Variants in SLC24A2 observed in about 807,000 individuals in gnomAD.
The protein encoded by SLC24A2 is sodium/potassium/calcium exchanger 2.
In SLC24A2, 36 loss-of-function variants were observed where a neutral mutation model predicts 62.0. The observed-to-expected ratio is 0.58, with a 90% CI of 0.44 to 0.77. The LOEUF (loss-of-function observed/expected upper bound fraction) is 0.77, where lower values mean the gene tolerates loss of function less well. Among genes scored for constraint, SLC24A2 ranks in the 30% least tolerant of loss-of-function variants. SLC24A2 has a pLI of 0.00. For synonymous variants in SLC24A2, 358 were observed against 294.0 expected (o/e 1.22, Z -2.23); for missense variants, 846 against 817.9 (o/e 1.03, Z -0.42).
At chr9:19,534,190 G>A (rs1198697796) in intron 8 of SLC24A2, among the ~76,000 whole-genome samples, 2 of 152,162 alleles carry the variant, frequency 1.3e-5, no homozygotes, top group Admixed American at 1.3e-4. Flanking sequence ...CACAGTCAAT[G>A]TGGTACAATG....
At chr9:19,836,292 G>A in the SLC24A2 span, among the ~76,000 whole-genome samples, 1 of 152,086 alleles carries the variant, frequency 6.6e-6, no homozygotes, top group Non-Finnish European at 1.5e-5. Context: ...TCCAGGAGCT[G>A]GTTTTTTGAA....
the SLC24A2 span, among the ~76,000 whole-genome samples, chr9:20,045,404 AC>A: frequency 6.6e-6 from 1 of 152,194 alleles, no homozygotes; most frequent in African/African-American, 2.4e-5. Context: ...TAAGTAGAAC[AC>A]AAAAAAGGAA....
the SLC24A2 span, among the ~76,000 whole-genome samples, chr9:20,203,699 GAAGA>G: frequency 4.6e-5 from 7 of 151,798 alleles, no homozygotes; most frequent in Admixed American, 3.9e-4. Flanking sequence ...AAAAAAAGAA[GAAGA>G]AAGAAGAAAG....
chr9:19,915,347 G>C, the SLC24A2 span, among the ~76,000 whole-genome samples: 1 of 151,964 alleles, frequency 6.6e-6, no homozygotes, highest in Non-Finnish European at 1.5e-5. Context: ...ATAGACATTT[G>C]GGTTGTTTCC....
chr9:19,989,268 T>C, the SLC24A2 span, among the ~76,000 whole-genome samples: 2 of 152,168 alleles, frequency 1.3e-5, no homozygotes, highest in African/African-American at 2.4e-5. Context: ...ACTAAGTACC[T>C]TGGAAGAGTC....
At chr9:20,290,485 A>G in the SLC24A2 span, among the ~76,000 whole-genome samples, 6 of 152,178 alleles carry the variant, frequency 3.9e-5, no homozygotes, top group Admixed American at 2.0e-4. Flanking sequence ...GCTGATATCC[A>G]CATGCCTTTG....
chr9:20,132,898 T>G, the SLC24A2 span, among the ~76,000 whole-genome samples: 1 of 152,128 alleles, frequency 6.6e-6, no homozygotes, highest in African/African-American at 2.4e-5. Flanking sequence ...TCTTACTAAG[T>G]GGTATAATCT....
At chr9:19,890,224 T>C in the SLC24A2 span, among the ~76,000 whole-genome samples, 1 of 152,222 alleles carries the variant, frequency 6.6e-6, no homozygotes, top group African/African-American at 2.4e-5. Context: ...GAAGCCACAG[T>C]CTTCTCATAA....
chr9:20,052,559 A>C, the SLC24A2 span, among the ~76,000 whole-genome samples: 4 of 152,002 alleles, frequency 2.6e-5, no homozygotes, highest in African/African-American at 9.7e-5. Flanking sequence ...GCTTCAATCC[A>C]TCTTCAGTTA....
At chr9:20,184,355 T>A in the SLC24A2 span, among the ~76,000 whole-genome samples, 1 of 151,924 alleles carries the variant, frequency 6.6e-6, no homozygotes, top group African/African-American at 2.4e-5. Flanking sequence ...AACGAGACCA[T>A]CCTGGCCAAC....
the SLC24A2 span, among the ~76,000 whole-genome samples, chr9:19,907,630 C>G: frequency 1.3e-5 from 2 of 152,212 alleles, no homozygotes; most frequent in Admixed American, 1.3e-4. Context: ...TCAGCAAAGT[C>G]TCAGGATACA....
chr9:19,598,448 T>G (rs760972510), intron 4 of SLC24A2, among the ~76,000 whole-genome samples: 2 of 152,342 alleles, frequency 1.3e-5, no homozygotes, highest in Middle Eastern at 6.8e-3. Flanking sequence ...TACACATTTT[T>G]TCATGTGCCT....
At chr9:20,048,295 C>G in the SLC24A2 span, among the ~76,000 whole-genome samples, 3 of 152,164 alleles carry the variant, frequency 2.0e-5, no homozygotes, top group South Asian at 6.2e-4. Context: ...TAGTTTATCT[C>G]TTTTCAATAT....
chr9:20,097,534 T>C, the SLC24A2 span, among the ~76,000 whole-genome samples: 2 of 152,064 alleles, frequency 1.3e-5, no homozygotes, highest in African/African-American at 4.8e-5. Context: ...ATTAAACCAG[T>C]CTCTAAGTTC....
chr9:19,727,605 G>T lies in SLC24A2; in HGVS notation c.930+58332C>A, dbSNP rs563624235. Among the ~76,000 whole-genome samples the T allele has an allele frequency of 2.6e-5, 4 of 152,252 alleles. No homozygotes were observed. In the South Asian group the frequency reaches 8.3e-4, roughly 32 times the overall value. On this transcript the variant is annotated intron_variant, in intron 2 of 10. Transcript: ENST00000341998. ...ATGTGGCAGACACTCGTACCTGTTT[G>T]TTGGATGAATGAATATGACATCTTC...
At chr9:19,982,020 C>T in the SLC24A2 span, among the ~76,000 whole-genome samples, 5 of 152,048 alleles carry the variant, frequency 3.3e-5, no homozygotes, top group Non-Finnish European at 7.4e-5. Context: ...CTCTCCAAAC[C>T]AGTGGAAAAA....
the SLC24A2 span, among the ~76,000 whole-genome samples, chr9:20,104,545 C>G: frequency 6.6e-6 from 1 of 152,218 alleles, no homozygotes; most frequent in African/African-American, 2.4e-5. Flanking sequence ...GGCCAATATT[C>G]AGCATTCTTA....
the SLC24A2 span, among the ~76,000 whole-genome samples, chr9:20,068,100 G>C: frequency 3.3e-5 from 4 of 121,648 alleles, no homozygotes; most frequent in Admixed American, 1.2e-4. Context: ...GTCTCGCTCT[G>C]TCACCCAGGC....
At chr9:20,192,533 C>G in the SLC24A2 span, among the ~76,000 whole-genome samples, 1 of 152,102 alleles carries the variant, frequency 6.6e-6, no homozygotes, top group Non-Finnish European at 1.5e-5. Context: ...GAGCCTAATT[C>G]AGTCCATTGT....
Sources: allele counts gnomAD v4.1 joint callset (sites outside exome capture counted in the v4.1 genomes callset), GRCh38; gene constraint gnomAD v4.1.1; transcripts MANE v1.5; gene names NCBI Gene and HGNC (gene_info 2026-07-23, HGNC 2026-07-21).